The following MYO1D variants were observed in gnomAD, a reference collection of about 807,000 sequenced individuals.
MYO1D encodes unconventional myosin-Id.
Under a neutral mutation model 122.0 loss-of-function variants are expected in MYO1D, and 83 were observed. That is an observed-to-expected ratio of 0.68 (90% CI 0.57 to 0.82). The LOEUF is 0.82. Ranked by LOEUF, MYO1D falls within the 40% of genes least tolerant of loss-of-function variation. The pLI is 0.00. For missense variants in MYO1D, 1,157 were observed against 1,269.5 expected (o/e 0.91, Z 1.35); for synonymous variants, 464 against 446.9 (o/e 1.04, Z -0.48).
chr17:32,859,573 A>T (rs144363935), intron 1 of MYO1D, among the ~76,000 whole-genome samples: 1 of 152,256 alleles, frequency 6.6e-6, no homozygotes, highest in Non-Finnish European at 1.5e-5. Flanking sequence ...AGGAGCAGAA[A>T]GATAAATCTA....
rs527715900 is a variant in MYO1D at position 32,629,684 on chromosome 17, T to C, written c.2709+9038A>G. On this transcript the variant is annotated intron_variant, in intron 20 of 21. Coordinates refer to ENST00000318217, the MANE Select transcript of MYO1D (RefSeq NM_015194.3). Reference sequence around the variant, plus strand: ...AGGCGGAGGTTGCACTGAGCCAAAATTGCGCCACTACACTCCAGCCTGGGT... The same window carrying C: ...AGGCGGAGGTTGCACTGAGCCAAAACTGCGCCACTACACTCCAGCCTGGGT... 5.5e-4 allele frequency among the ~76,000 whole-genome samples: 82 copies of C among 150,360 alleles called. 2 individuals are homozygous for C. In the South Asian group the frequency reaches 0.016, roughly 30 times the overall value.
At chr17:32,732,217 G>A (rs928651264) in intron 14 of MYO1D, among the ~76,000 whole-genome samples, 2 of 152,234 alleles carry the variant, frequency 1.3e-5, no homozygotes, top group Non-Finnish European at 2.9e-5. Flanking sequence ...TGGATGGCAG[G>A]TTAATGGTGG....
chr17:32,819,999 T>C (rs934847203), intron 1 of MYO1D, among the ~76,000 whole-genome samples: 3 of 152,204 alleles, frequency 2.0e-5, no homozygotes, highest in African/African-American at 7.2e-5. Flanking sequence ...AGGTTGGTCA[T>C]CTTTGGATTA....
At chr17:32,733,484 C>G (rs1277776211) in intron 14 of MYO1D, among the ~76,000 whole-genome samples, 2 of 152,202 alleles carry the variant, frequency 1.3e-5, no homozygotes, top group African/African-American at 4.8e-5. Context: ...ACCCCCTCCA[C>G]CCATGGCTGA....
intron 19 of MYO1D, among the ~76,000 whole-genome samples, chr17:32,649,965 G>T (rs868390909): frequency 2.0e-5 from 3 of 152,084 alleles, no homozygotes; most frequent in Middle Eastern, 3.2e-3. Context: ...ATAAACATTG[G>T]TATATAGTCA....
intron 21 of MYO1D, among the ~76,000 whole-genome samples, chr17:32,547,585 A>C (rs1018608306): frequency 6.6e-6 from 1 of 152,236 alleles, no homozygotes; most frequent in African/African-American, 2.4e-5. Flanking sequence ...TTGTCCAACC[A>C]ACCAACCGCT....
chr17:32,566,839 C>CTTTTTTTTTTTTTTTTTTTTT (rs2087178450), intron 21 of MYO1D, among the ~76,000 whole-genome samples: 1 of 147,466 alleles, frequency 6.8e-6, no homozygotes. Flanking sequence ...TTTTAAGCTT[C>CTTTTTTTTTTTTTTTTTTTTT]TTTTTAACCA....
intron 20 of MYO1D, among the ~76,000 whole-genome samples, chr17:32,613,030 A>C (rs757187249): frequency 6.6e-6 from 1 of 152,156 alleles, no homozygotes; most frequent in Non-Finnish European, 1.5e-5. Flanking sequence ...GGCCTCCCAA[A>C]GTGCTGGGAT....
intron 21 of MYO1D, chr17:32,510,702 T>G (rs1204963688): frequency 1.3e-5 from 2 of 152,192 alleles, no homozygotes; most frequent in African/African-American, 4.8e-5. Flanking sequence ...GGAGGTGGCC[T>G]GATGGCTCCC....
At chr17:32,832,040 T>C (rs1196732840) in intron 1 of MYO1D, among the ~76,000 whole-genome samples, 2 of 152,222 alleles carry the variant, frequency 1.3e-5, no homozygotes, top group East Asian at 3.8e-4. Context: ...CAGTGTCATG[T>C]ATACACTAGA....
At chr17:32,623,880 C>A (rs1279999063) in intron 20 of MYO1D, among the ~76,000 whole-genome samples, 1 of 152,080 alleles carries the variant, frequency 6.6e-6, no homozygotes. Flanking sequence ...TTGTATAAGT[C>A]GATAATCCCA....
intron 16 of MYO1D, among the ~76,000 whole-genome samples, chr17:32,675,442 T>A (rs539282299): frequency 6.6e-6 from 1 of 152,182 alleles, no homozygotes; most frequent in South Asian, 2.1e-4. Context: ...TATTACCTCA[T>A]CTATTTCTTC....
intron 21 of MYO1D, among the ~76,000 whole-genome samples, chr17:32,603,715 C>T (rs189375740): frequency 5.9e-4 from 90 of 151,802 alleles, no homozygotes; most frequent in African/African-American, 1.7e-3. Flanking sequence ...TTAGTAGAGA[C>T]GGGGTTTCAC....
rs375025862 is a variant in MYO1D, at chr17:32,515,010, CT to C, written c.2865-20096del. 3.5e-4 allele frequency among the ~76,000 whole-genome samples: 53 copies of C among 152,358 alleles called. No individual in the cohort carries two copies. The East Asian group carries it at 9.3e-3, about 27-fold the overall frequency. ...TGGGATAATGAACAGGGATAATGTT[CT>C]TTTTTCTAGAGAGTTAAAGGAGAAA... On this transcript the variant is annotated intron_variant, in intron 21 of 21. Coordinates refer to ENST00000318217, the MANE Select transcript of MYO1D (RefSeq NM_015194.3).
chr17:32,822,850 A>G (rs796788101), intron 1 of MYO1D, among the ~76,000 whole-genome samples: 1 of 151,598 alleles, frequency 6.6e-6, no homozygotes, highest in African/African-American at 2.4e-5. Flanking sequence ...CGCGGGCGTG[A>G]GACTCAGCCG....
At position 32,586,529 on chromosome 17, in the gene MYO1D, G is replaced by A. The variant is rs549335086; in HGVS notation, c.2864+18558C>T. On this transcript the variant is annotated intron_variant, in intron 21 of 21. Coordinates refer to ENST00000318217, the MANE Select transcript of MYO1D (RefSeq NM_015194.3). Reference sequence around the variant, plus strand: ...ATCAAAATATAAGTTATCCTTCCTGGGTTTTTCTTATTTGCAAATTTGTAA... The same window carrying A: ...ATCAAAATATAAGTTATCCTTCCTGAGTTTTTCTTATTTGCAAATTTGTAA... 2.0e-5 allele frequency among the ~76,000 whole-genome samples: 3 copies of A among 151,880 alleles called. No homozygotes were observed. The South Asian group carries it at 6.3e-4, about 32-fold the overall frequency.
chr17:32,772,163 A>C (rs1283930798), intron 5 of MYO1D, among the ~76,000 whole-genome samples: 1 of 152,190 alleles, frequency 6.6e-6, no homozygotes, highest in Non-Finnish European at 1.5e-5. Context: ...GGCTTTAAAA[A>C]CTTACAATAA....
chr17:32,846,278 A>C (rs1182723080), intron 1 of MYO1D, among the ~76,000 whole-genome samples: 1 of 152,208 alleles, frequency 6.6e-6, no homozygotes, highest in Non-Finnish European at 1.5e-5. Flanking sequence ...CAGAATACCT[A>C]CTTCAACATT....
At chr17:32,722,345 A>G (rs892168066) in intron 14 of MYO1D, among the ~76,000 whole-genome samples, 3 of 152,158 alleles carry the variant, frequency 2.0e-5, no homozygotes, top group Non-Finnish European at 4.4e-5. Flanking sequence ...AGAAGTCTGA[A>G]ATAGGTTTAA....
Sources: gnomAD v4.1 joint callset for allele counts (sites outside exome capture counted in the v4.1 genomes callset) on GRCh38, gnomAD v4.1.1 for gene constraint, MANE v1.5 for transcripts, NCBI Gene and HGNC (gene_info 2026-07-23, HGNC 2026-07-21) for gene names.